The following NAV1 variants were observed in gnomAD, a reference collection of about 807,000 sequenced individuals.
NAV1 encodes neuron navigator 1.
NAV1 carries 18 observed loss-of-function variants against 175.2 expected under a neutral mutation model. The observed-to-expected ratio is 0.10, with a 90% CI of 0.07 to 0.15. The LOEUF is 0.15. Ranked by LOEUF, NAV1 falls within the 10% of genes least tolerant of loss-of-function variation. NAV1 has a pLI of 1.00. For synonymous variants in NAV1, 897 were observed against 978.7 expected, an observed-to-expected ratio of 0.92 and a Z score of 1.56; for missense variants, 1,731 against 2,436.6, an observed-to-expected ratio of 0.71 and a Z score of 6.10.
chr1:201,791,537 A>G (rs1394068732), intron 13 of NAV1: 2 of 152,216 alleles, frequency 1.3e-5, no homozygotes, highest in African/African-American at 4.8e-5. Flanking sequence ...AAAGCTGTAA[A>G]CAACAGCTGA....
At chr1:201,713,006 A>C (rs975324792) in intron 2 of NAV1, 87 bp downstream of exon 6, 25 of 957,720 alleles carry the variant, frequency 2.6e-5, no homozygotes, top group Non-Finnish European at 4.2e-5. Flanking sequence ...GGGTCCCTCC[A>C]CACCTCTGCC....
Position 201,768,333 on chromosome 1 carries a change from GAAA to G in NAV1, c.1227-12074_1227-12072del, listed in dbSNP as rs57027212. Among the ~76,000 whole-genome samples, 23 of 105,664 alleles carry G rather than the reference GAAA, an allele frequency of 2.2e-4. 1 individual carries two copies. The highest frequency in any genetic ancestry group is 1.1e-3 in the Admixed American group (11 of 10,310). 69.3% of individuals were successfully genotyped at this position (105,664 alleles called of 152,430 possible). ...AACAAGAGTGAAACTCCGTCTCAGA[GAAA>G]AAAAAAAAAAAAAGAGTAAGTACAG... On this transcript the variant is annotated intron_variant, in intron 3 of 29. Transcript: ENST00000367296.
At chr1:201,719,363 C>T (rs1003038303) in intron 3 of NAV1, 9 of 152,570 alleles carry the variant, frequency 5.9e-5, no homozygotes, top group African/African-American at 2.2e-4. Context: ...CCTGTGCAAA[C>T]CTTCTACCAA....
intron 2 of NAV1, among the ~76,000 whole-genome samples, chr1:201,605,031 G>T (rs768450609): frequency 6.7e-6 from 1 of 149,978 alleles, no homozygotes; most frequent in Non-Finnish European, 1.5e-5. Context: ...ATATATTAAT[G>T]GATATTTGTT....
intron 3 of NAV1, among the ~76,000 whole-genome samples, chr1:201,765,457 C>T (rs888172843): frequency 7.0e-6 from 1 of 143,534 alleles, no homozygotes; most frequent in African/African-American, 2.7e-5. Context: ...TGTAGTGGTG[C>T]CATCTCAGCT....
Position 201,794,650 on chromosome 1 carries a change from GC to G in NAV1, c.3517+76del, listed in dbSNP as rs781593519. On this transcript the variant is annotated intron_variant, in intron 15 of 29. Transcript: ENST00000367296. ...AAGAGTATTACAGATTTTTATCTGG[GC>G]CCATAGTATTCCAAGTCCTATATCA... 2.3e-6 allele frequency: 3 copies of G among 1,325,892 alleles called. No homozygotes were observed. The Admixed American group carries it at 5.3e-5, about 23-fold the overall frequency. 82.1% of individuals were successfully genotyped at this position (1,325,892 alleles called of 1,614,324 possible).
chr1:201,741,654 T>C (rs1041687894), intron 3 of NAV1, among the ~76,000 whole-genome samples: 1 of 152,228 alleles, frequency 6.6e-6, no homozygotes, highest in Non-Finnish European at 1.5e-5. Flanking sequence ...TTAAATTCTT[T>C]GCTTCCCCAA....
intron 15 of NAV1, chr1:201,795,086 G>A (rs575185446): frequency 6.5e-6 from 1 of 153,706 alleles, no homozygotes; most frequent in South Asian, 2.0e-4. Flanking sequence ...CACAAAATCT[G>A]TGATCTCTAA....
At chr1:201,592,117 G>A (rs553492076) in intron 2 of NAV1, among the ~76,000 whole-genome samples, 4 of 152,266 alleles carry the variant, frequency 2.6e-5, no homozygotes, top group African/African-American at 7.2e-5. Context: ...GGGCTTCTGT[G>A]GTGTGGGAAG....
At chr1:201,671,069 A>G (rs72739976) in intron 1 of NAV1, among the ~76,000 whole-genome samples, 2,103 of 152,296 alleles carry the variant, frequency 0.014, 22 homozygotes, top group Non-Finnish European at 0.023. Flanking sequence ...TTCTGCCCCA[A>G]GTGTGCCCAG....
chr1:201,695,578 T>C (rs1671156269), intron 1 of NAV1, among the ~76,000 whole-genome samples: 2 of 152,234 alleles, frequency 1.3e-5, no homozygotes, highest in African/African-American at 2.4e-5. Context: ...CTCTAAGGCA[T>C]GTTTGTTTCC....
chr1:201,708,781 G>C (rs888228740), intron 1 of NAV1, among the ~76,000 whole-genome samples: 9 of 152,150 alleles, frequency 5.9e-5, no homozygotes, highest in African/African-American at 1.9e-4. Flanking sequence ...CCCCAGGCCT[G>C]TCCCACACCC....
chr1:201,735,338 G>A (rs1428356531), intron 3 of NAV1, among the ~76,000 whole-genome samples: 2 of 152,222 alleles, frequency 1.3e-5, no homozygotes. Context: ...TGAGCGGTTT[G>A]AACTAGATGC....
At chr1:201,588,560 C>G (rs1238491024) in exon 2 of NAV1, among the ~76,000 whole-genome samples, 1 of 146,744 alleles carries the variant, frequency 6.8e-6, no homozygotes, top group Non-Finnish European at 1.5e-5. Flanking sequence ...TGCTATGTTG[C>G]CCGGGCTGGT....
At chr1:201,823,679 A>G (rs1679517267) in exon 30 of NAV1, 1 of 152,164 alleles carries the variant, frequency 6.6e-6, no homozygotes. Context: ...CAACTGATCT[A>G]TCCATATTCC....
intron 1 of NAV1, among the ~76,000 whole-genome samples, chr1:201,693,667 G>A (rs1054358871): frequency 6.6e-6 from 1 of 152,142 alleles, no homozygotes; most frequent in Non-Finnish European, 1.5e-5. Flanking sequence ...TGGGCATTGA[G>A]GGCTGGGGAG....
Position 201,813,077 on chromosome 1 carries a change from G to T in NAV1, c.5222-63G>T, listed in dbSNP as rs565243619. The T allele has an allele frequency of 2.5e-6, 3 of 1,205,686 alleles. No individual in the cohort carries two copies. The highest frequency in any genetic ancestry group is 3.7e-6 in the Non-Finnish European group (3 of 818,716). 74.7% of individuals were successfully genotyped at this position (1,205,686 alleles called of 1,614,324 possible). Reference sequence around the variant, plus strand: ...CTCTGCCTGGTACTAAGGAGTAAAAGAGGCACACAACCGGGAAGATCTAGG... The same window carrying T: ...CTCTGCCTGGTACTAAGGAGTAAAATAGGCACACAACCGGGAAGATCTAGG... On this transcript the variant is annotated intron_variant, in intron 27 of 29. Transcript: ENST00000367296. The surrounding 1 kb of genome is among the most constrained non-coding windows in gnomAD (Gnocchi z 4.2).
chr1:201,605,493 T>G (rs1192969190), intron 2 of NAV1, among the ~76,000 whole-genome samples: 2 of 152,042 alleles, frequency 1.3e-5, no homozygotes, highest in Non-Finnish European at 2.9e-5. Context: ...CCAGACCTCA[T>G]GAGATAACAA....
intron 1 of NAV1, among the ~76,000 whole-genome samples, chr1:201,577,842 G>A (rs949082880): frequency 1.3e-5 from 2 of 152,022 alleles, no homozygotes; most frequent in East Asian, 1.9e-4. Context: ...TCTGTCCTCC[G>A]TGGTTTCCAA....
Sources: allele counts gnomAD v4.1 joint callset (sites outside exome capture counted in the v4.1 genomes callset), GRCh38; gene constraint gnomAD v4.1.1; non-coding constraint Gnocchi (gnomAD v3.1); transcripts MANE v1.5; gene names NCBI Gene and HGNC (gene_info 2026-07-23, HGNC 2026-07-21).